The following COL27A1 variants were observed in gnomAD, a reference collection of about 807,000 sequenced individuals.
COL27A1 encodes collagen type XXVII alpha 1 chain, also known as collagen alpha-1(XXVII) chain.
COL27A1 carries 106 observed loss-of-function variants against 251.3 expected under a neutral mutation model. The ratio of observed to expected loss-of-function variants is 0.42; its 90% CI spans 0.36 to 0.50. COL27A1 has a LOEUF of 0.50. Ranked by LOEUF, COL27A1 falls within the 20% of genes least tolerant of loss-of-function variation. COL27A1 has a pLI of 0.00. For synonymous variants in COL27A1, 1,000 were observed against 986.3 expected (o/e 1.01, Z -0.26); for missense variants, 2,325 against 2,522.8 (o/e 0.92, Z 1.68).
At chr9:114,161,932 G>A (rs1479217960) in intron 1 of COL27A1, among the ~76,000 whole-genome samples, 1 of 152,214 alleles carries the variant, frequency 6.6e-6, no homozygotes, top group African/African-American at 2.4e-5. Flanking sequence ...TGCCATGCAT[G>A]AGCTTATTGA....
chr9:114,264,219 G>A (rs887176386), intron 28 of COL27A1, 136 bp from the exon 29 acceptor site: 4 of 608,324 alleles, frequency 6.6e-6, no homozygotes, highest in Non-Finnish European at 1.1e-5. Context: ...TGGGGAGTGT[G>A]TGGGAAGTGG....
intron 57 of COL27A1, chr9:114,306,232 A>AGAT: frequency 3.4e-6 from 1 of 298,348 alleles, no homozygotes; most frequent in Non-Finnish European, 6.3e-6. Context: ...TGTCCCACGC[A>AGAT]CCCTCGCCTA....
intron 39 of COL27A1, among the ~76,000 whole-genome samples, chr9:114,282,776 C>A (rs1277080460): frequency 6.6e-6 from 1 of 152,236 alleles, no homozygotes; most frequent in Non-Finnish European, 1.5e-5. Context: ...ACAGTATACA[C>A]CACACAGAAT....
intron 14 of COL27A1, among the ~76,000 whole-genome samples, chr9:114,228,173 C>T (rs1028795164): frequency 1.3e-5 from 2 of 152,184 alleles, no homozygotes; most frequent in Admixed American, 6.5e-5. Flanking sequence ...TGGGGTGCTG[C>T]GCCGTGACTC....
intron 15 of COL27A1, 108 bp downstream of exon 15, chr9:114,231,240 G>T (rs1831926960): frequency 1.9e-6 from 2 of 1,059,598 alleles, no homozygotes; most frequent in South Asian, 2.9e-5. Flanking sequence ...GGGAAGGGAG[G>T]ATGGCAGGAT....
intron 49 of COL27A1, among the ~76,000 whole-genome samples, chr9:114,298,769 G>A (rs1346214788): frequency 1.3e-5 from 2 of 152,148 alleles, no homozygotes; most frequent in Non-Finnish European, 1.5e-5. Context: ...CAACAAAAGC[G>A]AAGTACATAG....
intron 24 of COL27A1, 175 bp downstream of exon 24, chr9:114,246,085 G>A: frequency 1.8e-6 from 1 of 559,320 alleles, no homozygotes; most frequent in Non-Finnish European, 3.2e-6. Flanking sequence ...CTCAGAACGG[G>A]GAAGTCTGTA....
intron 5 of COL27A1, among the ~76,000 whole-genome samples, chr9:114,184,646 AC>A (rs1828191996): frequency 6.6e-6 from 1 of 151,962 alleles, no homozygotes; most frequent in Admixed American, 6.5e-5. Flanking sequence ...CATATACTGA[AC>A]CCTTCCTGTG....
intron 36 of COL27A1, 190 bp downstream of exon 36, chr9:114,270,971 C>A: frequency 1.7e-6 from 1 of 582,066 alleles, no homozygotes; most frequent in Non-Finnish European, 3.0e-6. Context: ...GCCCTCTGCA[C>A]TACCTGCTCA....
rs377713952 is a variant in COL27A1 at position 114,267,509 on chromosome 9, G to A, written c.3453G>A (p.Pro1151=). The part of the protein sequence containing the change: ...GPPGEMGPKG[P]PGAVGEPGLP... ...CCAATGGCGTTTTCTTTCAGGGGCC[G>A]CCTGGTGCAGTGGGAGAACCGGGCC... Residue 1151 remains proline (P), a synonymous_variant, in exon 34 of 61, where the codon CCG becomes CCA. Coordinates refer to ENST00000356083, the MANE Select transcript of COL27A1 (RefSeq NM_032888.4). 2.9e-5 allele frequency: 46 copies of A among 1,598,820 alleles called. No individual in the cohort carries two copies. The African/African-American group carries it at 4.4e-4, about 15-fold the overall frequency.
At chr9:114,203,677 C>CCT (rs879507458) in intron 7 of COL27A1, among the ~76,000 whole-genome samples, 43 of 152,302 alleles carry the variant, frequency 2.8e-4, no homozygotes, top group African/African-American at 1.0e-3. Context: ...ACTCTCCAGA[C>CCT]CTCTTAGATC....
intron 5 of COL27A1, among the ~76,000 whole-genome samples, chr9:114,185,243 AC>A (rs1828252521): frequency 6.6e-6 from 1 of 152,236 alleles, no homozygotes; most frequent in Non-Finnish European, 1.5e-5. Flanking sequence ...GGCCTCATGG[AC>A]AGGACTCCCA....
intron 3 of COL27A1, 108 bp from the exon 4 acceptor site, chr9:114,178,183 G>C: frequency 1.1e-6 from 1 of 919,258 alleles, no homozygotes; most frequent in Non-Finnish European, 1.8e-6. Context: ...TCTTAGCCGC[G>C]GACTATCCAT....
intron 14 of COL27A1, among the ~76,000 whole-genome samples, chr9:114,225,134 C>T (rs185101153): frequency 1.7e-3 from 261 of 152,212 alleles, no homozygotes; most frequent in African/African-American, 5.9e-3. Flanking sequence ...AGTCTGGCAA[C>T]GCTATTTGCA....
intron 23 of COL27A1, among the ~76,000 whole-genome samples, chr9:114,245,627 A>G (rs1003077037): frequency 1.3e-5 from 2 of 152,196 alleles, no homozygotes; most frequent in Non-Finnish European, 2.9e-5. Flanking sequence ...CCAGGTGCTG[A>G]GTAAGCCAAG....
chr9:114,196,090 G>C, intron 7 of COL27A1, 78 bp downstream of exon 7: 16 of 1,241,792 alleles, frequency 1.3e-5, no homozygotes, highest in Middle Eastern at 3.9e-4. Flanking sequence ...AGAGCTGTGG[G>C]CCCACCTGCC....
intron 12 of COL27A1, among the ~76,000 whole-genome samples, chr9:114,211,490 C>T (rs1019402359): frequency 1.3e-5 from 2 of 152,240 alleles, no homozygotes; most frequent in Admixed American, 6.5e-5. Flanking sequence ...ATGGGCAGTG[C>T]CCACAGCAGG....
intron 35 of COL27A1, 58 bp from the exon 36 acceptor site, chr9:114,270,670 C>T (rs1835079274): frequency 2.9e-6 from 4 of 1,368,724 alleles, no homozygotes; most frequent in Non-Finnish European, 3.1e-6. Context: ...AGAGGAAAAG[C>T]ACACCGGGGC....
At chr9:114,297,245 C>G (rs907716555) in intron 49 of COL27A1, among the ~76,000 whole-genome samples, 2 of 152,012 alleles carry the variant, frequency 1.3e-5, no homozygotes, top group Non-Finnish European at 2.9e-5. Flanking sequence ...TAAAATTACC[C>G]CTTCTTTGCA....
Sources: gnomAD v4.1 joint callset for allele counts (sites outside exome capture counted in the v4.1 genomes callset) on GRCh38, gnomAD v4.1.1 for gene constraint, MANE v1.5 for transcripts, NCBI Gene and HGNC (gene_info 2026-07-23, HGNC 2026-07-21) for gene names.